The following GGT7 variants were observed in gnomAD, a reference collection of about 807,000 sequenced individuals.
GGT7 encodes gamma-glutamyltransferase 7.
In GGT7, 30 loss-of-function variants were observed where a neutral mutation model predicts 69.2. The observed-to-expected ratio is 0.43, with a 90% CI of 0.32 to 0.59. The LOEUF (loss-of-function observed/expected upper bound fraction) is 0.59, where lower values mean the gene tolerates loss of function less well. GGT7 is among the 20% of genes least tolerant of loss of function. The probability of loss-of-function intolerance (pLI) is 0.05; values close to 1 mark genes in which losing one functional copy is unlikely to be tolerated. For missense variants in GGT7, 733 were observed against 901.1 expected (o/e 0.81, Z 2.39); for synonymous variants, 388 against 391.8 (o/e 0.99, Z 0.12).
At position 34,863,423 on chromosome 20, in the gene GGT7, C is replaced by G. The variant is rs1311344609; in HGVS notation, c.295G>C (p.Glu99Gln). ...RKDPFSAAAA[E>Q]CSCRQDGLTV... ...AGCCCATCCTGGCGGCAGGAGCACT[C>G]GGCCGCTGCGGCGGAGAACGGGTCT... The change falls in exon 2 of 15, where the codon GAG (glutamate) becomes CAG (glutamine). Residue 99 changes from glutamate (E) to glutamine (Q), a missense_variant. Glu to Gln is a conservative substitution (Grantham distance 29). Coordinates refer to ENST00000336431, the MANE Select transcript of GGT7 (RefSeq NM_178026.3). This position sits in a 1 kb window ranked among gnomAD's most constrained non-coding sequence, Gnocchi z 4.4. 1.9e-6 allele frequency: 3 copies of G among 1,613,460 alleles called. No individual in the cohort carries two copies. Among genetic ancestry groups the G allele is most frequent in the Non-Finnish European group, 2.5e-6 (3 of 1,179,942 alleles).
At position 34,863,435 on chromosome 20, in the gene GGT7, CGGAGAACGGGTCTTTGCGCGTCT is replaced by C; in HGVS notation, c.260_282del (p.Glu87GlyfsTer65). On this transcript the variant is annotated frameshift_variant, in exon 2 of 15. Coordinates refer to ENST00000336431, the MANE Select transcript of GGT7 (RefSeq NM_178026.3). LOFTEE classifies it high-confidence loss of function. The surrounding 1 kb of genome is among the most constrained non-coding windows in gnomAD (Gnocchi z 4.4). Reference sequence around the variant, plus strand: ...CGGCAGGAGCACTCGGCCGCTGCGGCGGAGAACGGGTCTTTGCGCGTCTCGCGTAGCGGCGACCCGTCTTGGCT... The same window carrying C: ...CGGCAGGAGCACTCGGCCGCTGCGGCCGCGTAGCGGCGACCCGTCTTGGCT... The C allele has an allele frequency of 6.2e-7, 1 of 1,613,404 alleles. No homozygotes were observed. Among genetic ancestry groups the C allele is most frequent in the Non-Finnish European group, 8.5e-7 (1 of 1,179,888 alleles).
In GGT7 at chr20:34,846,159, C is replaced by T. The variant is rs547014290; in HGVS notation, c.1826-668G>A. Among the ~76,000 whole-genome samples, 89 of 152,160 alleles carry T rather than the reference C, an allele frequency of 5.8e-4. 1 individual carries two copies. The highest frequency in any genetic ancestry group is 2.1e-3 in the African/African-American group (86 of 41,522). ...GGGCTTTGTGGGTCTTCATCTCCAC[C>T]TGCCAAAGTCAAGCTGCCATCATTA... On this transcript the variant is annotated intron_variant, in intron 14 of 14. Coordinates refer to ENST00000336431, the MANE Select transcript of GGT7 (RefSeq NM_178026.3).
intron 1 of GGT7, among the ~76,000 whole-genome samples, chr20:34,866,546 CTTT>C (rs11476486): frequency 2.0e-5 from 3 of 147,330 alleles, no homozygotes; most frequent in Admixed American, 6.7e-5. Flanking sequence ...CTCACTATTG[CTTT>C]TTTTTTTTTT....
At chr20:34,870,112 T>C (rs1317745644) in intron 1 of GGT7, among the ~76,000 whole-genome samples, 1 of 152,196 alleles carries the variant, frequency 6.6e-6, no homozygotes, top group Non-Finnish European at 1.5e-5. Context: ...GGAGGCCATG[T>C]CAGCCTGTAG....
rs118174743 is a variant in GGT7 at position 34,860,887 on chromosome 20, G to A, written c.675+558C>T. 5.2e-4 allele frequency among the ~76,000 whole-genome samples: 79 copies of A among 152,252 alleles called. 1 individual carries two copies. The East Asian group carries it at 0.015, about 29-fold the overall frequency. The stretch of plus-strand genomic sequence containing the variant: ...CCCAGAGTGTTGGGATTACAGGTGT[G>A]AGCCACTGTGCCCAGGCAACCCTAC... On this transcript the variant is annotated intron_variant, in intron 4 of 14. Transcript: ENST00000336431.
At chr20:34,862,732 A>G in intron 3 of GGT7, 82 bp downstream of exon 3, 1 of 1,386,502 alleles carries the variant, frequency 7.2e-7, no homozygotes, top group South Asian at 1.2e-5. Flanking sequence ...CCTCTCCCTA[A>G]GTTAGGAGTG....
intron 10 of GGT7, 96 bp from the exon 11 acceptor site, chr20:34,852,634 A>C: frequency 1.7e-6 from 2 of 1,182,074 alleles, no homozygotes; most frequent in South Asian, 3.4e-5. Context: ...ATTTGATGAA[A>C]TCTACCTCCC....
rs760483256 is a variant in GGT7 at position 34,850,186 on chromosome 20, C to T, written c.1726-126G>A. The T allele has an allele frequency of 2.4e-5, 19 of 786,534 alleles. No homozygotes were observed. The South Asian group carries it at 2.6e-4, about 11-fold the overall frequency. 48.7% of individuals were successfully genotyped at this position (786,534 alleles called of 1,614,324 possible). A position where few individuals can be genotyped will look rare whatever the true frequency, so the allele number is the denominator to read the frequency against. On this transcript the variant is annotated intron_variant, in intron 13 of 14. Coordinates refer to ENST00000336431, the MANE Select transcript of GGT7 (RefSeq NM_178026.3). Reference sequence around the variant, plus strand: ...TTCTTACACCGGGTGTCATCTGAGCCTCCTAACAGCCCTGGAAGACAGGCA... The same window carrying T: ...TTCTTACACCGGGTGTCATCTGAGCTTCCTAACAGCCCTGGAAGACAGGCA...
At position 34,859,613 on chromosome 20, in the gene GGT7, G is replaced by T. The variant is rs2079552448; in HGVS notation, c.844C>A (p.Pro282Thr). 6.3e-7 allele frequency: 1 copy of T among 1,599,202 alleles called. No individual in the cohort carries two copies. Among genetic ancestry groups the T allele is most frequent in the Non-Finnish European group, 8.5e-7 (1 of 1,171,840 alleles). Residue 282 changes from proline (P) to threonine (T), a missense_variant, in exon 7 of 15, where the codon CCC becomes ACC. Transcript: ENST00000336431. The part of the protein sequence containing the change: ...LARALAEQLP[P>T]NMSERFRETF... ...TCCCGGAAGCGCTCGGACATGTTGG[G>T]TGGCAGCTGTTCAGCCAGGGCACGG...
Position 34,852,384 on chromosome 20 carries a change from C to T in GGT7, c.1469+5G>A. On this transcript the variant is annotated splice_donor_5th_base_variant and intron_variant, in intron 11 of 14. Coordinates refer to ENST00000336431, the MANE Select transcript of GGT7 (RefSeq NM_178026.3). ...GTTCCAGGTTCTGAGTCTGAGCTGG[C>T]ATACCTAACCATGGCCACAATGAAG... 1 of 1,614,056 alleles carries T rather than the reference C, an allele frequency of 6.2e-7. No individual in the cohort carries two copies. The highest frequency in any genetic ancestry group is 8.5e-7 in the Non-Finnish European group (1 of 1,179,976).
intron 13 of GGT7, chr20:34,850,805 C>T (rs749571666): frequency 1.9e-6 from 1 of 523,208 alleles, no homozygotes; most frequent in Non-Finnish European, 3.8e-6. Flanking sequence ...AGGTGCCTGG[C>T]ATATATATCA....
chr20:34,855,165 C>T (rs1349614139), intron 8 of GGT7, among the ~76,000 whole-genome samples: 2 of 152,164 alleles, frequency 1.3e-5, no homozygotes, highest in Non-Finnish European at 2.9e-5. Flanking sequence ...TTTGAGAAAA[C>T]TAAGGCTCAA....
At position 34,859,485 on chromosome 20, in the gene GGT7, G is replaced by T. The variant is rs758114278; in HGVS notation, c.972C>A (p.Ala324=). The change falls in exon 7 of 15, where the codon GCC becomes GCA. Residue 324 remains alanine, a synonymous_variant. Transcript: ENST00000336431. Reference sequence around the variant, plus strand: ...GTGTGAGGTTGCCACCTGCGTAGAAGGCAGCCGGGCCGGAGGTGCCAAGTA... The same window carrying T: ...GTGTGAGGTTGCCACCTGCGTAGAATGCAGCCGGGCCGGAGGTGCCAAGTA... ...LDVLGTSGPA[A]FYAGGNLTLE... 6 of 1,604,874 alleles carry T rather than the reference G, an allele frequency of 3.7e-6. No homozygotes were observed. Among genetic ancestry groups the T allele is most frequent in the Non-Finnish European group, 2.6e-6 (3 of 1,172,984 alleles).
At chr20:34,865,577 C>T (rs748612688) in intron 1 of GGT7, among the ~76,000 whole-genome samples, 23 of 152,226 alleles carry the variant, frequency 1.5e-4, no homozygotes, top group Non-Finnish European at 2.9e-4. Context: ...GAACTGAAAG[C>T]TCACTATTTG....
At chr20:34,861,665 T>G (rs2146918103) in intron 3 of GGT7, 103 bp from the exon 4 acceptor site, 1 of 677,230 alleles carries the variant, frequency 1.5e-6, no homozygotes, top group African/African-American at 1.8e-5. Flanking sequence ...GTAGGCTCAG[T>G]TTTTCATTTG....
intron 14 of GGT7, 113 bp from the exon 15 acceptor site, chr20:34,845,604 C>A (rs1395972802): frequency 2.3e-6 from 2 of 857,872 alleles, no homozygotes; most frequent in African/African-American, 1.7e-5. Context: ...AGCTGTATGA[C>A]CTTGGACAAA....
At chr20:34,850,226 G>A in intron 13 of GGT7, 166 bp from the exon 14 acceptor site, 1 of 766,112 alleles carries the variant, frequency 1.3e-6, no homozygotes. Context: ...TGTGATGACT[G>A]TTTCCATTTC....
At position 34,860,293 on chromosome 20, in the gene GGT7, A is replaced by G. The variant is rs776119649; in HGVS notation, c.704T>C (p.Met235Thr). 26 of 1,613,884 alleles carry G rather than the reference A, an allele frequency of 1.6e-5. No individual in the cohort carries two copies. Among genetic ancestry groups the G allele is most frequent in the Admixed American group, 1.7e-5 (1 of 60,030 alleles). ...GTGAGCTTCATGTAGCCCCTTCACC[A>G]TTCCGGGAACCCCCACCAAGAGCCC... is the stretch of plus-strand genomic sequence containing the variant. ...KPGLLVGVPGMVKGLHEAHQL... is the reference protein window; with the variant it reads ...KPGLLVGVPGTVKGLHEAHQL... Residue 235 changes from methionine to threonine, a missense_variant, in exon 5 of 15, where the codon ATG becomes ACG. Physicochemically the swap from Met to Thr is moderately conservative, Grantham distance 81. Coordinates refer to ENST00000336431, the MANE Select transcript of GGT7 (RefSeq NM_178026.3).
chr20:34,859,165 G>A (rs1162626017), intron 7 of GGT7, among the ~76,000 whole-genome samples: 6 of 94,732 alleles, frequency 6.3e-5, no homozygotes, highest in South Asian at 4.2e-4. Flanking sequence ...GCAGGACTCC[G>A]TCTCATAAAA....
Sources: allele counts gnomAD v4.1 joint callset (sites outside exome capture counted in the v4.1 genomes callset), GRCh38; gene constraint gnomAD v4.1.1; non-coding constraint Gnocchi (gnomAD v3.1); transcripts MANE v1.5; gene names NCBI Gene and HGNC (gene_info 2026-07-23, HGNC 2026-07-21).